Variants in DNA2 observed in about 807,000 individuals in gnomAD.
The protein encoded by DNA2 is DNA replication ATP-dependent helicase/nuclease DNA2.
Under a neutral mutation model 119.1 loss-of-function variants are expected in DNA2, and 101 were observed. The observed-to-expected ratio is 0.85, with a 90% confidence interval of 0.72 to 1.00. The LOEUF (loss-of-function observed/expected upper bound fraction) is 1.00. Among genes scored for constraint, DNA2 ranks in the 50% least tolerant of loss-of-function variants. DNA2 has a pLI of 0.00. For synonymous variants in DNA2, 366 were observed against 424.4 expected, an observed-to-expected ratio of 0.86 and a Z score of 1.69; for missense variants, 1,121 against 1,255.5, an observed-to-expected ratio of 0.89 and a Z score of 1.62.
At chr10:68,467,105 A>G (rs1363255192) in intron 3 of DNA2, among the ~76,000 whole-genome samples, 3 of 152,126 alleles carry the variant, frequency 2.0e-5, no homozygotes, top group Non-Finnish European at 4.4e-5. Flanking sequence ...TGTTTGAAAT[A>G]GCCCAAAATA....
chr10:68,469,767 C>T (rs1011311351), intron 2 of DNA2, among the ~76,000 whole-genome samples: 1 of 151,998 alleles, frequency 6.6e-6, no homozygotes, highest in Non-Finnish European at 1.5e-5. Flanking sequence ...GCCTGGCCCA[C>T]GTGATTTTCA....
At chr10:68,445,984 C>T in intron 7 of DNA2, among the ~76,000 whole-genome samples, 2 of 151,844 alleles carry the variant, frequency 1.3e-5, no homozygotes, top group East Asian at 3.9e-4. Flanking sequence ...ACTAGCCAGG[C>T]ATGGTGGCAC....
Position 68,431,913 on chromosome 10 carries a change from T to C in DNA2, c.1932A>G (p.Thr644=), listed in dbSNP as rs771822514. 6.2e-7 allele frequency: 1 copy of C among 1,613,844 alleles called. No individual in the cohort carries two copies. The highest frequency in any genetic ancestry group is 1.1e-5 in the South Asian group (1 of 91,070). Residue 644 remains threonine (T), a synonymous_variant, in exon 13 of 21, where the codon ACA becomes ACG. Transcript: ENST00000358410. The stretch of plus-strand genomic sequence containing the variant: ...CTGTCCCAGGCATACCCACGATGAG[T>C]GTGTAGTCTTTTGAAAGAAGTACCT... The part of the protein sequence containing the change: ...MKKVLLSKDY[T]LIVGMPGTGK...
intron 4 of DNA2, among the ~76,000 whole-genome samples, chr10:68,465,049 T>C (rs1433030474): frequency 6.7e-6 from 1 of 149,904 alleles, no homozygotes; most frequent in African/African-American, 2.5e-5. Flanking sequence ...GATGGAGTCT[T>C]GCTTTGTCAC....
chr10:68,427,206 T>TA lies in DNA2; in HGVS notation c.2208+3229dup, dbSNP rs879787334. On this transcript the variant is annotated intron_variant, in intron 14 of 20. Coordinates refer to ENST00000358410, the MANE Select transcript of DNA2 (RefSeq NM_001080449.3). ...CAACATGGTGAAACCCCGTCTCTAC[T>TA]AAAAAAAAAAAATATGTGGCGCATG... 4.8e-4 allele frequency among the ~76,000 whole-genome samples: 69 copies of TA among 142,898 alleles called. No homozygotes were observed. In the Middle Eastern group the frequency reaches 0.011, roughly 23 times the overall value. 93.7% of individuals were successfully genotyped at this position (142,898 alleles called of 152,430 possible).
chr10:68,425,088 CTTTTTTT>C (rs60065153), intron 14 of DNA2: 89 of 131,254 alleles, frequency 6.8e-4, no homozygotes, highest in East Asian at 2.3e-3. Context: ...TGGAACATTT[CTTTTTTT>C]TTTTTTTTTT....
At position 68,460,459 on chromosome 10, in the gene DNA2, C is replaced by T. The variant is rs184306559; in HGVS notation, c.588-1224G>A. Among the ~76,000 whole-genome samples the T allele has an allele frequency of 1.8e-3, 265 of 151,208 alleles. 1 individual carries two copies. Among genetic ancestry groups the T allele is most frequent in the African/African-American group, 6.0e-3 (246 of 41,198 alleles). On this transcript the variant is annotated intron_variant, in intron 4 of 20. Transcript: ENST00000358410. Reference sequence around the variant, plus strand: ...TGAGAGAGAGTTTCACTCTTGTTGCCCAGGCTGGCGCGATCTCTACTCACT... The same window carrying T: ...TGAGAGAGAGTTTCACTCTTGTTGCTCAGGCTGGCGCGATCTCTACTCACT...
chr10:68,450,354 A>T (rs2052102957), intron 5 of DNA2, 107 bp from the exon 6 acceptor site: 1 of 850,854 alleles, frequency 1.2e-6, no homozygotes, highest in South Asian at 1.7e-5. Context: ...GAGGGGAAAG[A>T]GTCTACCTAC....
Position 68,415,005 on chromosome 10 carries a change from T to C in DNA2, c.*34A>G, listed in dbSNP as rs779784527. On this transcript the variant is annotated 3_prime_UTR_variant, in exon 21 of 21. Transcript: ENST00000358410. Reference sequence around the variant, plus strand: ...TATGGGCACTAGCTAGAGGAGATACTGCCCTAGTATGAAAAGGCAAGGGAA... The same window carrying C: ...TATGGGCACTAGCTAGAGGAGATACCGCCCTAGTATGAAAAGGCAAGGGAA... The C allele has an allele frequency of 2.1e-6, 3 of 1,409,268 alleles. No homozygotes were observed. In the South Asian group the frequency reaches 3.7e-5, roughly 17 times the overall value. 87.3% of individuals were successfully genotyped at this position (1,409,268 alleles called of 1,614,324 possible).
Position 68,432,375 on chromosome 10 carries a change from T to C in DNA2, c.1763+19A>G. ...TTAGAAAAGTGGAGTGAAATTCAAA[T>C]TTGCTCATTGTTACAAACCTGACAA... On this transcript the variant is annotated intron_variant, in intron 11 of 20. Transcript: ENST00000358410. 1 of 1,571,186 alleles carries C rather than the reference T, an allele frequency of 6.4e-7. No individual in the cohort carries two copies. Among genetic ancestry groups the C allele is most frequent in the Non-Finnish European group, 8.7e-7 (1 of 1,150,822 alleles).
chr10:68,450,280 T>A, intron 5 of DNA2, 33 bp from the exon 6 acceptor site: 1 of 1,455,302 alleles, frequency 6.9e-7, no homozygotes, highest in Non-Finnish European at 9.4e-7. Flanking sequence ...AACACTTAAT[T>A]AGAACTCTTA....
At chr10:68,457,835 A>C (rs971938523) in intron 5 of DNA2, among the ~76,000 whole-genome samples, 1 of 152,094 alleles carries the variant, frequency 6.6e-6, no homozygotes, top group Admixed American at 6.6e-5. Flanking sequence ...CAGTCAACAC[A>C]TGACACAGAC....
Position 68,466,739 on chromosome 10 carries a change from C to T in DNA2, c.442-927G>A, listed in dbSNP as rs189615604. Among the ~76,000 whole-genome samples the T allele has an allele frequency of 3.3e-3, 507 of 152,066 alleles. 3 individuals carry two copies. Among genetic ancestry groups the T allele is most frequent in the African/African-American group, 0.011 (465 of 41,492 alleles). ...GACTACAGGCGCCCGCCACCACACC[C>T]GGCTAATTTTTTTGTATTTTTAATA... On this transcript the variant is annotated intron_variant, in intron 3 of 20. Transcript: ENST00000358410.
At chr10:68,444,663 G>A (rs1322705036) in intron 8 of DNA2, among the ~76,000 whole-genome samples, 5 of 149,042 alleles carry the variant, frequency 3.4e-5, no homozygotes, top group Non-Finnish European at 7.4e-5. Flanking sequence ...GGCAGAGGTT[G>A]TGGTGAGCCG....
At chr10:68,436,239 T>C (rs2051887009) in intron 10 of DNA2, among the ~76,000 whole-genome samples, 1 of 151,876 alleles carries the variant, frequency 6.6e-6, no homozygotes, top group African/African-American at 2.4e-5. Flanking sequence ...TATTCAGCCA[T>C]AAAAAAAATG....
At chr10:68,443,458 G>A (rs1310805115) in intron 8 of DNA2, among the ~76,000 whole-genome samples, 1 of 152,132 alleles carries the variant, frequency 6.6e-6, no homozygotes. Context: ...AGTGACGTAA[G>A]TACACATAAA....
chr10:68,425,303 C>G (rs1214773882), intron 14 of DNA2, among the ~76,000 whole-genome samples: 1 of 151,316 alleles, frequency 6.6e-6, no homozygotes, highest in African/African-American at 2.4e-5. Flanking sequence ...ACTATGTTGG[C>G]CAGGCTGGTC....
At chr10:68,426,657 G>C (rs1255015627) in intron 14 of DNA2, among the ~76,000 whole-genome samples, 1 of 151,156 alleles carries the variant, frequency 6.6e-6, no homozygotes, top group African/African-American at 2.4e-5. Flanking sequence ...AAGAGACGGT[G>C]AAACCCCGTC....
At chr10:68,420,139 G>C (rs564552669) in intron 17 of DNA2, among the ~76,000 whole-genome samples, 1 of 152,202 alleles carries the variant, frequency 6.6e-6, no homozygotes, top group Non-Finnish European at 1.5e-5. Context: ...ATCACACACT[G>C]AGCTTCAAAT....
Sources: allele counts gnomAD v4.1 joint callset (sites outside exome capture counted in the v4.1 genomes callset), GRCh38; gene constraint gnomAD v4.1.1; transcripts MANE v1.5; gene names NCBI Gene and HGNC (gene_info 2026-07-23, HGNC 2026-07-21).